Variants in NCSTN observed in about 807,000 individuals in gnomAD.
NCSTN encodes nicastrin, also known as anterior pharynx-defective 2.
Under a neutral mutation model 87.0 loss-of-function variants are expected in NCSTN, and 22 were observed. The observed-to-expected ratio is 0.25, with a 90% CI of 0.18 to 0.36. The LOEUF (loss-of-function observed/expected upper bound fraction) is 0.36, where lower values mean the gene tolerates loss of function less well. NCSTN is among the 10% of genes least tolerant of loss of function. NCSTN has a pLI of 1.00. For missense variants in NCSTN, 693 were observed against 883.3 expected, an observed-to-expected ratio of 0.78 and a Z score of 2.73; for synonymous variants, 306 against 327.1, an observed-to-expected ratio of 0.94 and a Z score of 0.69.
In NCSTN at chr1:160,343,391, G is replaced by A. The variant is rs375009212; in HGVS notation, c.-6G>A. On this transcript the variant is annotated 5_prime_UTR_variant, in exon 1 of 17. Coordinates refer to ENST00000294785, the MANE Select transcript of NCSTN (RefSeq NM_015331.3). ...AACGGGGGCTTCCGCTCAGCAGAGA[G>A]GCAAGATGGCTACGGCAGGGGGTGG... is the stretch of plus-strand genomic sequence containing the variant. The A allele has an allele frequency of 2.5e-6, 4 of 1,613,004 alleles. No homozygotes were observed. The highest frequency in any genetic ancestry group is 4.5e-5 in the East Asian group (2 of 44,860).
chr1:160,353,609 C>T lies in NCSTN; in HGVS notation c.1179+372C>T, dbSNP rs908918531. 9.2e-6 allele frequency: 11 copies of T among 1,201,576 alleles called. No homozygotes were observed. In the African/African-American group the frequency reaches 1.7e-4, roughly 19 times the overall value. 74.4% of individuals were successfully genotyped at this position (1,201,576 alleles called of 1,614,324 possible). A position where few individuals can be genotyped will look rare whatever the true frequency, so the allele number is the denominator to read the frequency against. On this transcript the variant is annotated intron_variant, in intron 10 of 16. Transcript: ENST00000294785. ...CACTCGCTGCCCAACTTGTCCTCCA[C>T]TTTCCTCATTGCTTGTTCAAAACCT... is the stretch of plus-strand genomic sequence containing the variant.
chr1:160,343,960 T>TTTTTTG (rs1553208877), intron 1 of NCSTN: 1 of 263,130 alleles, frequency 3.8e-6, no homozygotes, highest in African/African-American at 2.5e-5. Context: ...TCAGGTTTTT[T>TTTTTTG]TTTTTTTTTT....
rs765124362 is a variant in NCSTN, at chr1:160,344,808, C to G, written c.172C>G (p.His58Asp). 1 of 1,613,886 alleles carries G rather than the reference C, an allele frequency of 6.2e-7. No homozygotes were observed. The highest frequency in any genetic ancestry group is 8.5e-7 in the Non-Finnish European group (1 of 1,179,828). ...CTGTGTTCGCCTGCTCAACGCCACT[C>G]ATCAGATTGGCTGCCAGTGTGAGTT... The part of the protein sequence containing the change: ...APCVRLLNAT[H>D]QIGCQSSISG... The change falls in exon 2 of 17, where the codon CAT becomes GAT. Residue 58 changes from histidine to aspartate, a missense_variant. By Grantham distance (81) the His-to-Asp change is moderately conservative (BLOSUM62 -1). Transcript: ENST00000294785.
intron 2 of NCSTN, among the ~76,000 whole-genome samples, chr1:160,346,765 C>A (rs1484892687): frequency 2.0e-5 from 3 of 152,154 alleles, no homozygotes; most frequent in African/African-American, 7.2e-5. Context: ...GCCACCGTGC[C>A]CAGCTAATTT....
chr1:160,357,311 C>G (rs1309098548), intron 16 of NCSTN, 58 bp downstream of exon 16: 1 of 1,485,468 alleles, frequency 6.7e-7, no homozygotes, highest in Non-Finnish European at 9.2e-7. Context: ...TCTCTGCTTT[C>G]TTGTGTCATA....
At position 160,356,484 on chromosome 1, in the gene NCSTN, T is replaced by A. The variant is rs1649135548; in HGVS notation, c.1640-116T>A. On this transcript the variant is annotated intron_variant, in intron 14 of 16. Transcript: ENST00000294785. ...CCCTGTTTTCCTTTCTTTCTTCTCATATTTGATGGATCCTTTTCCATTGCC... is the reference window on the plus strand; with the variant it reads ...CCCTGTTTTCCTTTCTTTCTTCTCAAATTTGATGGATCCTTTTCCATTGCC... 3.4e-6 allele frequency: 5 copies of A among 1,465,476 alleles called. No homozygotes were observed. In the African/African-American group the frequency reaches 5.6e-5, roughly 16 times the overall value. The allele number at this position is 1,465,476 out of a possible 1,614,324, so 90.8% of individuals were successfully genotyped here.
chr1:160,351,978 T>C, intron 7 of NCSTN, 76 bp from the exon 8 acceptor site: 2 of 1,574,204 alleles, frequency 1.3e-6, no homozygotes, highest in Non-Finnish European at 8.7e-7. Context: ...GTATATTCTC[T>C]TGACTGGAGC....
rs56358787 is a variant in NCSTN at position 160,345,938 on chromosome 1, GAA to G, written c.190+1134_190+1135del. ...TAGGTGACAGAGTGAGACACTGTCT[GAA>G]AAAAAAAAAAAAAAAAAAAAAGAAA... is the stretch of plus-strand genomic sequence containing the variant. On this transcript the variant is annotated intron_variant, in intron 2 of 16. Coordinates refer to ENST00000294785, the MANE Select transcript of NCSTN (RefSeq NM_015331.3). 4.7e-4 allele frequency among the ~76,000 whole-genome samples: 28 copies of G among 59,786 alleles called. 1 individual carries two copies. Among genetic ancestry groups the G allele is most frequent in the African/African-American group, 1.6e-3 (24 of 15,196 alleles). 39.2% of individuals were successfully genotyped at this position (59,786 alleles called of 152,430 possible). A position where few individuals can be genotyped will look rare whatever the true frequency, so the allele number is the denominator to read the frequency against.
intron 2 of NCSTN, among the ~76,000 whole-genome samples, chr1:160,348,505 C>T (rs2101896016): frequency 6.6e-6 from 1 of 152,262 alleles, no homozygotes; most frequent in South Asian, 2.1e-4. Flanking sequence ...CTTGACTAAC[C>T]TCATCTAAAA....
intron 2 of NCSTN, 33 bp downstream of exon 2, chr1:160,344,859 T>G: frequency 2.6e-6 from 4 of 1,556,384 alleles, no homozygotes; most frequent in Non-Finnish European, 3.5e-6. Flanking sequence ...TTGTGGACAT[T>G]GATATTTGTC....
At position 160,352,878 on chromosome 1, in the gene NCSTN, ATC is replaced by A. The variant is rs762806432; in HGVS notation, c.997-4_997-3del. The A allele has an allele frequency of 3.7e-6, 6 of 1,610,792 alleles. No individual in the cohort carries two copies. The South Asian group carries it at 5.5e-5, about 15-fold the overall frequency. ...TCTGTTCCCCCTCCCACCTACCTCC[ATC>A]TCTCAGGAAACTTTTGACTACATTG... On this transcript the variant is annotated splice_polypyrimidine_tract_variant and splice_region_variant and intron_variant, in intron 8 of 16. Coordinates refer to ENST00000294785, the MANE Select transcript of NCSTN (RefSeq NM_015331.3).
In NCSTN at chr1:160,350,228, A is replaced by G; in HGVS notation, c.560A>G (p.Asn187Ser). The change falls in exon 5 of 17, where the codon AAT (asparagine) becomes AGT (serine). Residue 187 changes from asparagine to serine, a missense_variant. By Grantham distance (46) the Asn-to-Ser change is conservative. Transcript: ENST00000294785. ...CCCATCTTTCTTCTTGAAGATGAAA[A>G]TGAAACCAAAGTCATCAAGCAGGTA... Reference protein sequence around the residue: ...SFPIFLLEDENETKVIKQCYQ... With the variant: ...SFPIFLLEDESETKVIKQCYQ... The G allele has an allele frequency of 1.9e-6, 3 of 1,614,134 alleles. No individual in the cohort carries two copies. The highest frequency in any genetic ancestry group is 2.5e-6 in the Non-Finnish European group (3 of 1,179,998).
chr1:160,350,377 G>A lies in NCSTN; in HGVS notation c.582+127G>A, dbSNP rs369964837. The A allele has an allele frequency of 7.3e-4, 775 of 1,067,422 alleles. 1 individual carries two copies. Among genetic ancestry groups the A allele is most frequent in the East Asian group, 1.4e-3 (53 of 38,856 alleles). The allele number at this position is 1,067,422 out of a possible 1,614,324, so 66.1% of individuals were successfully genotyped here. The stretch of plus-strand genomic sequence containing the variant: ...TGAGACAGGAGGATCACTTGAGGCC[G>A]GGAGGCAGAGGTTTCAGTGAGCTGA... On this transcript the variant is annotated intron_variant, in intron 5 of 16. Coordinates refer to ENST00000294785, the MANE Select transcript of NCSTN (RefSeq NM_015331.3).
chr1:160,346,231 T>G (rs1396853586), intron 2 of NCSTN, among the ~76,000 whole-genome samples: 1 of 152,212 alleles, frequency 6.6e-6, no homozygotes, highest in East Asian at 1.9e-4. Context: ...GCAGGAAACT[T>G]GGGGTCTGAT....
chr1:160,358,191 C>T lies in NCSTN; in HGVS notation c.2050C>T (p.Leu684Phe), dbSNP rs752620520. Residue 684 changes from leucine to phenylalanine, a missense_variant, in exon 17 of 17, where the codon CTC (leucine) becomes TTC (phenylalanine). Physicochemically the swap from Leu to Phe is conservative, Grantham distance 22. Coordinates refer to ENST00000294785, the MANE Select transcript of NCSTN (RefSeq NM_015331.3). The stretch of plus-strand genomic sequence containing the variant: ...GGGCTTCGGCATCCTCATCTTCTCC[C>T]TCATCGTCACCTACTGCATCAATGC... ...TVGFGILIFS[L>F]IVTYCINAKA... 1 of 1,614,176 alleles carries T rather than the reference C, an allele frequency of 6.2e-7. No individual in the cohort carries two copies. Among genetic ancestry groups the T allele is most frequent in the South Asian group, 1.1e-5 (1 of 91,082 alleles).
rs779541940 is a variant in NCSTN at position 160,356,689 on chromosome 1, A to T, written c.1729A>T (p.Thr577Ser). The T allele has an allele frequency of 6.2e-7, 1 of 1,614,246 alleles. No homozygotes were observed. The highest frequency in any genetic ancestry group is 2.2e-5 in the East Asian group (1 of 44,884). ...GTATGCCTTGGCAAATTTGACTGGCACAGTGGTCAACCTCACCCGAGAGCA... is the reference window on the plus strand; with the variant it reads ...GTATGCCTTGGCAAATTTGACTGGCTCAGTGGTCAACCTCACCCGAGAGCA... ...VQYALANLTG[T>S]VVNLTREQCQ... Residue 577 changes from threonine to serine, a missense_variant, in exon 15 of 17, where the codon ACA becomes TCA. Coordinates refer to ENST00000294785, the MANE Select transcript of NCSTN (RefSeq NM_015331.3).
At position 160,343,490 on chromosome 1, in the gene NCSTN, T is replaced by A; in HGVS notation, c.85+9T>A. 6.3e-7 allele frequency: 1 copy of A among 1,599,964 alleles called. No individual in the cohort carries two copies. Among genetic ancestry groups the A allele is most frequent in the Non-Finnish European group, 8.5e-7 (1 of 1,174,312 alleles). On this transcript the variant is annotated intron_variant, in intron 1 of 16. Coordinates refer to ENST00000294785, the MANE Select transcript of NCSTN (RefSeq NM_015331.3). ...CTGCGTCCTACTAGCAGGTGAGGCC[T>A]CCCCGCCCGTGAGCTCCGTTCTCTA... is the stretch of plus-strand genomic sequence containing the variant.
intron 2 of NCSTN, among the ~76,000 whole-genome samples, chr1:160,348,686 A>G (rs1305475236): frequency 2.0e-5 from 3 of 152,214 alleles, no homozygotes; most frequent in African/African-American, 7.2e-5. Context: ...TAGGTTTGAA[A>G]ACTTTGGTGT....
intron 1 of NCSTN, chr1:160,343,884 A>G (rs1273580651): frequency 2.4e-6 from 1 of 418,058 alleles, no homozygotes; most frequent in South Asian, 1.8e-5. Flanking sequence ...TGCGGCGCTT[A>G]AAAGGTGGAT....
Sources: gnomAD v4.1 joint callset for allele counts (sites outside exome capture counted in the v4.1 genomes callset) on GRCh38, gnomAD v4.1.1 for gene constraint, MANE v1.5 for transcripts, NCBI Gene and HGNC (gene_info 2026-07-23, HGNC 2026-07-21) for gene names.